UBE2E3: variants seen among roughly 807,000 people sequenced by gnomAD.
The protein encoded by UBE2E3 is ubiquitin-conjugating enzyme E2 E3.
In UBE2E3, 5 loss-of-function variants were observed where a neutral mutation model predicts 23.6. The observed-to-expected ratio is 0.21, with a 90% CI of 0.11 to 0.44. The LOEUF (loss-of-function observed/expected upper bound fraction) is 0.44. Ranked by LOEUF, UBE2E3 falls within the 20% of genes least tolerant of loss-of-function variation. UBE2E3 has a pLI of 0.99. For missense variants in UBE2E3, 81 were observed against 249.8 expected (o/e 0.32, Z 4.55); for synonymous variants, 78 against 87.5 (o/e 0.89, Z 0.60).
chr2:180,995,079 C>G (rs1684784637), intron 3 of UBE2E3, among the ~76,000 whole-genome samples: 2 of 152,152 alleles, frequency 1.3e-5, no homozygotes, highest in Admixed American at 1.3e-4. Flanking sequence ...TGATGCTAAT[C>G]ATTTCTGTAT....
intron 1 of UBE2E3, 112 bp from the exon 2 acceptor site, chr2:180,981,906 C>G (rs1684306146): frequency 2.6e-6 from 2 of 780,380 alleles, no homozygotes; most frequent in Admixed American, 5.9e-5. Flanking sequence ...AGTGTGAACA[C>G]TTTTGAAGCT....
chr2:181,062,838 G>A lies in UBE2E3; in HGVS notation c.574G>A (p.Ala192Thr), dbSNP rs764585793. 1 of 1,608,260 alleles carries A rather than the reference G, an allele frequency of 6.2e-7. No homozygotes were observed. The highest frequency in any genetic ancestry group is 1.1e-5 in the South Asian group (1 of 90,542). Reference sequence around the variant, plus strand: ...AGCCACTCAGTATTTGACCAACAGAGCAGAACACGACAGGATAGCCAGACA... The same window carrying A: ...AGCCACTCAGTATTTGACCAACAGAACAGAACACGACAGGATAGCCAGACA... ...SIATQYLTNR[A>T]EHDRIARQWT... Residue 192 changes from alanine (A) to threonine (T), a missense_variant, in exon 6 of 6, where the codon GCA (alanine) becomes ACA (threonine). Ala to Thr is a moderately conservative substitution (Grantham distance 58). Transcript: ENST00000410062.
At chr2:181,028,928 T>C (rs2102855) in intron 3 of UBE2E3, among the ~76,000 whole-genome samples, 35,287 of 151,964 alleles carry the variant, frequency 0.23, 4,466 homozygotes, top group Non-Finnish European at 0.28. Flanking sequence ...AGAAATTACT[T>C]TCTGTCCCAA....
chr2:180,991,334 G>A (rs571377786), intron 3 of UBE2E3, among the ~76,000 whole-genome samples: 1 of 152,152 alleles, frequency 6.6e-6, no homozygotes, highest in Non-Finnish European at 1.5e-5. Flanking sequence ...CCTATGATAC[G>A]TTTACATAAG....
At chr2:181,040,266 C>T (rs959272949) in intron 3 of UBE2E3, among the ~76,000 whole-genome samples, 4 of 152,210 alleles carry the variant, frequency 2.6e-5, no homozygotes, top group African/African-American at 7.2e-5. Context: ...CATCCTTCTT[C>T]GTCCTTCCAC....
chr2:180,991,149 A>AT (rs35348964), intron 3 of UBE2E3, among the ~76,000 whole-genome samples: 47,729 of 150,910 alleles, frequency 0.32, 7,849 homozygotes, highest in East Asian at 0.52. Context: ...AAAACCTTTG[A>AT]TTTTTTTTTC....
At chr2:180,987,459 G>C in intron 3 of UBE2E3, 2 of 1,508,680 alleles carry the variant, frequency 1.3e-6, no homozygotes, top group South Asian at 2.4e-5. Context: ...ATATACTGAC[G>C]AATATTTTAA....
chr2:181,054,966 G>A (rs1283855226), intron 3 of UBE2E3, among the ~76,000 whole-genome samples: 1 of 151,656 alleles, frequency 6.6e-6, no homozygotes, highest in African/African-American at 2.4e-5. Flanking sequence ...AAGAGAAAGT[G>A]TATCAAGGAG....
chr2:181,046,092 GCA>G (rs1262841431), intron 3 of UBE2E3, among the ~76,000 whole-genome samples: 2 of 152,054 alleles, frequency 1.3e-5, no homozygotes, highest in Non-Finnish European at 2.9e-5. Context: ...CTAGTGCCTG[GCA>G]CATGGTAGAT....
At chr2:181,016,627 C>G (rs1271278977) in intron 3 of UBE2E3, among the ~76,000 whole-genome samples, 1 of 152,162 alleles carries the variant, frequency 6.6e-6, no homozygotes, top group Non-Finnish European at 1.5e-5. Context: ...GACCCCCAAA[C>G]TGATTCTTTT....
At chr2:181,052,500 C>T (rs909601197) in intron 3 of UBE2E3, among the ~76,000 whole-genome samples, 10 of 151,782 alleles carry the variant, frequency 6.6e-5, no homozygotes, top group African/African-American at 2.4e-4. Flanking sequence ...CTTCGTTAAC[C>T]CAGCTGTTTA....
intron 3 of UBE2E3, among the ~76,000 whole-genome samples, chr2:180,992,015 A>G (rs972319401): frequency 3.3e-5 from 5 of 152,324 alleles, no homozygotes; most frequent in African/African-American, 4.8e-5. Flanking sequence ...TTACGTGACC[A>G]TGACTGAAAT....
intron 3 of UBE2E3, among the ~76,000 whole-genome samples, chr2:181,022,068 A>G (rs1685720457): frequency 1.3e-5 from 2 of 152,334 alleles, no homozygotes; most frequent in African/African-American, 2.4e-5. Context: ...AAAATGCAGT[A>G]CAGATGTAAT....
intron 4 of UBE2E3, among the ~76,000 whole-genome samples, chr2:181,058,400 A>G (rs1202027234): frequency 6.6e-6 from 1 of 151,612 alleles, no homozygotes; most frequent in African/African-American, 2.4e-5. Context: ...AATTAGATGG[A>G]TAACAGAGAA....
At chr2:181,042,607 A>G (rs1351772835) in intron 3 of UBE2E3, among the ~76,000 whole-genome samples, 1 of 152,202 alleles carries the variant, frequency 6.6e-6, no homozygotes, top group Non-Finnish European at 1.5e-5. Context: ...GGAACAGGTT[A>G]GAATTCAGGT....
At chr2:181,057,287 G>A (rs7370048) in intron 3 of UBE2E3, among the ~76,000 whole-genome samples, 35,204 of 151,712 alleles carry the variant, frequency 0.23, 4,453 homozygotes, top group Non-Finnish European at 0.28. Context: ...ATAGGAGATT[G>A]TTTTTAGGAA....
At chr2:181,006,726 C>A (rs563076726) in intron 3 of UBE2E3, among the ~76,000 whole-genome samples, 11 of 152,150 alleles carry the variant, frequency 7.2e-5, no homozygotes, top group Non-Finnish European at 1.3e-4. Flanking sequence ...AATTTGACAA[C>A]CCTCTCTGGG....
intron 3 of UBE2E3, among the ~76,000 whole-genome samples, chr2:180,988,877 G>T (rs1266152475): frequency 6.6e-6 from 1 of 151,740 alleles, no homozygotes; most frequent in African/African-American, 2.4e-5. Flanking sequence ...TATCTCATTA[G>T]TTATCTAGTC....
chr2:180,994,251 C>T (rs566943413), intron 3 of UBE2E3, among the ~76,000 whole-genome samples: 7 of 152,024 alleles, frequency 4.6e-5, no homozygotes, highest in Non-Finnish European at 1.0e-4. Flanking sequence ...TCCCTTCTGC[C>T]GAGGTTTCTT....
Sources: gnomAD v4.1 joint callset for allele counts (sites outside exome capture counted in the v4.1 genomes callset) on GRCh38, gnomAD v4.1.1 for gene constraint, MANE v1.5 for transcripts, NCBI Gene and HGNC (gene_info 2026-07-23, HGNC 2026-07-21) for gene names.